The following CD101 variants were observed in gnomAD, a reference collection of about 807,000 sequenced individuals.
CD101 encodes immunoglobulin superfamily member 2.
Under a neutral mutation model 98.2 loss-of-function variants are expected in CD101, and 76 were observed. That is an observed-to-expected ratio of 0.77 (90% CI 0.64 to 0.94). CD101 has a LOEUF of 0.94. Ranked by LOEUF, CD101 falls within the 40% of genes least tolerant of loss-of-function variation. CD101 has a pLI of 0.00. For missense variants in CD101, 1,145 were observed against 1,218.8 expected (o/e 0.94, Z 0.90); for synonymous variants, 471 against 472.7 (o/e 1.00, Z 0.05).
rs369383894 is a variant in CD101 at position 117,010,157 on chromosome 1, C to T, written c.351C>T (p.Gly117=). ...HISKLQMKDA[G]EYECHTPNTD... ...CAAAACTCCAGATGAAGGATGCTGGCGAGTATGAGTGTCACACACCAAACA... is the reference window on the plus strand; with the variant it reads ...CAAAACTCCAGATGAAGGATGCTGGTGAGTATGAGTGTCACACACCAAACA... Residue 117 remains glycine, a synonymous_variant, in exon 2 of 10, where the codon GGC becomes GGT. Coordinates refer to ENST00000682167, the MANE Select transcript of CD101 (RefSeq NM_001256106.3). The surrounding 1 kb of genome is among the most constrained non-coding windows in gnomAD (Gnocchi z 5.2). The T allele has an allele frequency of 4.2e-5, 67 of 1,613,980 alleles. 1 individual carries two copies. In the Middle Eastern group the frequency reaches 4.9e-4, roughly 12 times the overall value.
chr1:117,025,972 C>T, intron 8 of CD101, 68 bp downstream of exon 8: 1 of 1,476,864 alleles, frequency 6.8e-7, no homozygotes, highest in Admixed American at 2.2e-5. Flanking sequence ...TTATCCTCTC[C>T]CTCTCACCTA....
intron 1 of CD101, 100 bp from the exon 2 acceptor site, chr1:117,009,750 C>T (rs770989044): frequency 8.0e-5 from 103 of 1,293,806 alleles, no homozygotes; most frequent in Non-Finnish European, 2.2e-5. Flanking sequence ...CTTGCGATCT[C>T]ATTTACCAGA....
At chr1:117,026,144 C>G in intron 8 of CD101, 1 of 423,288 alleles carries the variant, frequency 2.4e-6, no homozygotes, top group Non-Finnish European at 4.2e-6. Flanking sequence ...TCTGACAGGT[C>G]CATGTCTTTC....
rs757705564 is a variant in CD101 at position 117,011,879 on chromosome 1, A to G, written c.754A>G (p.Thr252Ala). The G allele has an allele frequency of 2.5e-6, 4 of 1,614,166 alleles. No individual in the cohort carries two copies. In the South Asian group the frequency reaches 3.3e-5, roughly 13 times the overall value. Residue 252 changes from threonine to alanine, a missense_variant, in exon 3 of 10, where the codon ACG becomes GCG. Coordinates refer to ENST00000682167, the MANE Select transcript of CD101 (RefSeq NM_001256106.3). ...SDQGQLFCEA[T>A]EWIQDPDETW... ...TCAGGGTCAGCTGTTCTGTGAGGCAACGGAATGGATTCAGGATCCAGATGA... is the reference window on the plus strand; with the variant it reads ...TCAGGGTCAGCTGTTCTGTGAGGCAGCGGAATGGATTCAGGATCCAGATGA...
At chr1:117,015,134 A>G (rs1043441554) in intron 4 of CD101, among the ~76,000 whole-genome samples, 2 of 152,244 alleles carry the variant, frequency 1.3e-5, no homozygotes, top group Non-Finnish European at 2.9e-5. Flanking sequence ...TGGGCTTACT[A>G]TGTAGACACA....
chr1:117,016,950 T>A, intron 4 of CD101, 140 bp from the exon 5 acceptor site: 1 of 811,352 alleles, frequency 1.2e-6, no homozygotes, highest in Non-Finnish European at 1.9e-6. Flanking sequence ...ATCTTTTGCC[T>A]GAGGGTGGTG....
chr1:117,022,062 AT>A lies in CD101; in HGVS notation c.2428+81del. 6.9e-7 allele frequency: 1 copy of A among 1,452,870 alleles called. No individual in the cohort carries two copies. The highest frequency in any genetic ancestry group is 9.3e-7 in the Non-Finnish European group (1 of 1,074,604). The allele number at this position is 1,452,870 out of a possible 1,614,324, so 90.0% of individuals were successfully genotyped here. A position where few individuals can be genotyped will look rare whatever the true frequency, so the allele number is the denominator to read the frequency against. On this transcript the variant is annotated intron_variant, in intron 7 of 9. Transcript: ENST00000682167. The surrounding 1 kb of genome is among the most constrained non-coding windows in gnomAD (Gnocchi z 4.8). ...TCTTGGGCAGCTGTTCTATGGAGTG[AT>A]TATGTGGAAGTAAAAATATGACCTA...
intron 1 of CD101, among the ~76,000 whole-genome samples, chr1:117,007,021 CA>C (rs1349995774): frequency 6.6e-6 from 1 of 151,988 alleles, no homozygotes; most frequent in East Asian, 1.9e-4. Flanking sequence ...GCCTAGCCAC[CA>C]AAAATAACAT....
rs555940326 is a variant in CD101, at chr1:117,008,597, C to A, written c.44-1253C>A. Among the ~76,000 whole-genome samples the A allele has an allele frequency of 2.0e-5, 3 of 152,320 alleles. No individual in the cohort carries two copies. The South Asian group carries it at 6.2e-4, about 32-fold the overall frequency. Reference sequence around the variant, plus strand: ...CTTGACTGCATCAGGTGACCACTTACCTTTTCTGTGCTTTTGCCCTTTTTT... The same window carrying A: ...CTTGACTGCATCAGGTGACCACTTAACTTTTCTGTGCTTTTGCCCTTTTTT... On this transcript the variant is annotated intron_variant, in intron 1 of 9. Coordinates refer to ENST00000682167, the MANE Select transcript of CD101 (RefSeq NM_001256106.3).
In CD101 at chr1:117,013,495, C is replaced by G; in HGVS notation, c.931C>G (p.Arg311Gly). 5.0e-6 allele frequency: 8 copies of G among 1,614,114 alleles called. No individual in the cohort carries two copies. The highest frequency in any genetic ancestry group is 6.8e-6 in the Non-Finnish European group (8 of 1,180,020). Residue 311 changes from arginine to glycine, a missense_variant, in exon 4 of 10, where the codon CGT becomes GGT. Coordinates refer to ENST00000682167, the MANE Select transcript of CD101 (RefSeq NM_001256106.3). ...GGTTTGCCTGGTTGTAAGCAGTGGC[C>G]GTGACCCACAGCTTCAAGGCATTTG... The part of the protein sequence containing the change: ...ELVCLVVSSG[R>G]DPQLQGIWFF...
Position 117,011,763 on chromosome 1 carries a change from A to G in CD101, c.638A>G (p.Tyr213Cys). 1 of 1,614,146 alleles carries G rather than the reference A, an allele frequency of 6.2e-7. No individual in the cohort carries two copies. Among genetic ancestry groups the G allele is most frequent in the Non-Finnish European group, 8.5e-7 (1 of 1,180,022 alleles). ...TTTATATTGGTCCCTGGGCCCTTGT[A>G]TACAGAGCGGTTTGCAGCCAGTGAC... ...KDFILVPGPL[Y>C]TERFAASDVQ... Residue 213 changes from tyrosine (Y) to cysteine (C), a missense_variant, in exon 3 of 10, where the codon TAT (tyrosine) becomes TGT (cysteine). Transcript: ENST00000682167.
intron 8 of CD101, among the ~76,000 whole-genome samples, chr1:117,029,640 T>C (rs1359227250): frequency 6.6e-6 from 1 of 152,260 alleles, no homozygotes; most frequent in Non-Finnish European, 1.5e-5. Context: ...GATGCTTAAA[T>C]GTTTACTGAA....
At chr1:117,035,593 G>A (rs3767778) in intron 9 of CD101, among the ~76,000 whole-genome samples, 8,784 of 146,176 alleles carry the variant, frequency 0.06, 310 homozygotes, top group East Asian at 0.13. Context: ...TCTGTCGCCC[G>A]GGCTGGAGTG....
chr1:117,013,966 C>T (rs1653051786), intron 4 of CD101, among the ~76,000 whole-genome samples, 174 bp downstream of exon 4: 1 of 152,008 alleles, frequency 6.6e-6, no homozygotes, highest in Non-Finnish European at 1.5e-5. Flanking sequence ...GCTGAAGACC[C>T]GAGTCCTATT....
At position 117,019,126 on chromosome 1, in the gene CD101, G is replaced by T. The variant is rs1653421270; in HGVS notation, c.2017+566G>T. On this transcript the variant is annotated intron_variant, in intron 6 of 9. Transcript: ENST00000682167. The surrounding 1 kb of genome is among the most constrained non-coding windows in gnomAD (Gnocchi z 4.3). ...TGAGATACTACCTAGGCAAAGTTCT[G>T]CTGTGTCATGTATCTTCTCTCTTAT... Among the ~76,000 whole-genome samples the T allele has an allele frequency of 6.6e-6, 1 of 152,188 alleles. No individual in the cohort carries two copies.
chr1:117,029,248 A>G lies in CD101; in HGVS notation c.2824+3344A>G, dbSNP rs561475176. Among the ~76,000 whole-genome samples the G allele has an allele frequency of 2.0e-3, 297 of 145,876 alleles. 7 individuals carry two copies. The highest frequency in any genetic ancestry group is 7.7e-3 in the African/African-American group (288 of 37,400). On this transcript the variant is annotated intron_variant, in intron 8 of 9. Transcript: ENST00000682167. The stretch of plus-strand genomic sequence containing the variant: ...AAGAAAGAAAGAAAGAAAGAAAGAA[A>G]GAAAGAAAGAAAGAAAGAAAGAAAG...
In CD101 at chr1:117,033,838, CTT is replaced by C. The variant is rs754401828; in HGVS notation, c.2825-21_2825-20del. On this transcript the variant is annotated intron_variant, in intron 8 of 9. Coordinates refer to ENST00000682167, the MANE Select transcript of CD101 (RefSeq NM_001256106.3). This position sits in a 1 kb window ranked among gnomAD's most constrained non-coding sequence, Gnocchi z 4.8. ...AAATAAGTTGGAGATGAATTACTCT[CTT>C]GTTTCTCCCTTCGTTGCAGAGCCCA... 29 of 1,613,608 alleles carry C rather than the reference CTT, an allele frequency of 1.8e-5. No homozygotes were observed. The highest frequency in any genetic ancestry group is 6.7e-5 in the African/African-American group (5 of 74,874).
intron 7 of CD101, among the ~76,000 whole-genome samples, chr1:117,024,942 G>A (rs143043555): frequency 6.6e-6 from 1 of 152,322 alleles, no homozygotes; most frequent in East Asian, 1.9e-4. Flanking sequence ...TGCAGAAGCT[G>A]TGTAGTTTTC....
intron 1 of CD101, among the ~76,000 whole-genome samples, chr1:117,007,801 C>G (rs754740246): frequency 5.9e-5 from 9 of 152,202 alleles, no homozygotes; most frequent in Non-Finnish European, 8.8e-5. Flanking sequence ...TTGCTTTGAA[C>G]ATAGTCATTC....
Sources: gnomAD v4.1 joint callset for allele counts (sites outside exome capture counted in the v4.1 genomes callset) on GRCh38, gnomAD v4.1.1 for gene constraint, Gnocchi (gnomAD v3.1) non-coding constraint, MANE v1.5 for transcripts, NCBI Gene and HGNC (gene_info 2026-07-23, HGNC 2026-07-21) for gene names.